Variants in MAST2 observed in about 807,000 individuals in gnomAD.
MAST2 encodes the protein microtubule-associated serine/threonine-protein kinase 2.
Under a neutral mutation model 147.4 loss-of-function variants are expected in MAST2, and 70 were observed. The ratio of observed to expected loss-of-function variants is 0.47; its 90% CI spans 0.39 to 0.58. The LOEUF is 0.58. Among genes scored for constraint, MAST2 ranks in the 20% least tolerant of loss-of-function variants. The probability of loss-of-function intolerance (pLI) is 0.00; values close to 1 mark genes in which losing one functional copy is unlikely to be tolerated. For missense variants in MAST2, 2,080 were observed against 2,302.3 expected (o/e 0.90, Z 1.98); for synonymous variants, 869 against 896.8 (o/e 0.97, Z 0.55).
At chr1:45,884,862 T>G (rs1647014101) in intron 4 of MAST2, among the ~76,000 whole-genome samples, 1 of 152,152 alleles carries the variant, frequency 6.6e-6, no homozygotes, top group Admixed American at 6.6e-5. Context: ...GCCATACTTG[T>G]AAAATGAAGG....
chr1:45,873,141 G>C (rs1646465190), intron 3 of MAST2, among the ~76,000 whole-genome samples: 1 of 151,860 alleles, frequency 6.6e-6, no homozygotes, highest in Admixed American at 6.6e-5. Context: ...TAGCTTTAGA[G>C]CTTCGCTACT....
Position 45,811,338 on chromosome 1 carries a change from A to ATTTTTTTTTT in MAST2, c.177+7275_177+7284dup, listed in dbSNP as rs57495413. 4.1e-4 allele frequency among the ~76,000 whole-genome samples: 46 copies of ATTTTTTTTTT among 112,922 alleles called. 1 individual carries two copies. Among genetic ancestry groups the ATTTTTTTTTT allele is most frequent in the Admixed American group, 6.0e-4 (6 of 9,966 alleles). 74.1% of individuals were successfully genotyped at this position (112,922 alleles called of 152,430 possible). ...GCCCAGCTAATTTTTGTATTTTTGT[A>ATTTTTTTTTT]TTTTTTTTTTTTTTTTTTGAGACGG... On this transcript the variant is annotated intron_variant, in intron 1 of 28. Transcript: ENST00000361297.
intron 4 of MAST2, among the ~76,000 whole-genome samples, chr1:45,888,032 T>C (rs1439498653): frequency 6.6e-6 from 1 of 152,200 alleles, no homozygotes; most frequent in Non-Finnish European, 1.5e-5. Context: ...GTAGGTGGGA[T>C]CTGAAAATCC....
intron 4 of MAST2, among the ~76,000 whole-genome samples, chr1:45,949,663 T>G (rs1005068852): frequency 2.0e-5 from 3 of 152,202 alleles, no homozygotes; most frequent in Non-Finnish European, 4.4e-5. Context: ...AGTATGGTGA[T>G]TCCTCAAAGA....
At chr1:46,027,626 C>T in intron 16 of MAST2, 105 bp from the exon 17 acceptor site, 1 of 1,252,754 alleles carries the variant, frequency 8.0e-7, no homozygotes, top group Admixed American at 2.1e-5. Flanking sequence ...TTGTGTCTCA[C>T]AGTACCCCCA....
chr1:45,842,677 A>G (rs1044518107), intron 3 of MAST2, among the ~76,000 whole-genome samples: 3 of 152,172 alleles, frequency 2.0e-5, no homozygotes, highest in South Asian at 4.1e-4. Flanking sequence ...TATGTGTCCA[A>G]CACAACTTTT....
intron 4 of MAST2, among the ~76,000 whole-genome samples, chr1:45,905,061 T>C (rs1393953944): frequency 6.6e-6 from 1 of 152,204 alleles, no homozygotes; most frequent in Non-Finnish European, 1.5e-5. Context: ...TCCTCCTGCC[T>C]TGGCCTCCCA....
At chr1:45,828,205 C>T (rs565354449) in intron 2 of MAST2, among the ~76,000 whole-genome samples, 1 of 152,238 alleles carries the variant, frequency 6.6e-6, no homozygotes, top group Admixed American at 6.5e-5. Context: ...AATTGTTCTC[C>T]AAATGAATTG....
intron 4 of MAST2, among the ~76,000 whole-genome samples, chr1:45,937,754 A>C (rs1171000235): frequency 4.0e-5 from 1 of 24,888 alleles, no homozygotes; most frequent in East Asian, 2.5e-3. Context: ...TCCATCTCAA[A>C]AAAAAAAAAA....
Position 46,035,335 on chromosome 1 carries a change from G to T in MAST2, c.4666G>T (p.Gly1556Cys). The change falls in exon 29 of 29, where the codon GGC becomes TGC. Residue 1556 changes from glycine to cysteine, a missense_variant. Transcript: ENST00000361297. The surrounding 1 kb of genome is among the most constrained non-coding windows in gnomAD (Gnocchi z 5.5). ...CCCGTCCAGAGACCCTAGGAGCCTG[G>T]GCCCAATGGTCCCAAGCCTATTGAC... ...PFPSRDPRSL[G>C]PMVPSLLTGI... The T allele has an allele frequency of 6.2e-7, 1 of 1,613,876 alleles. No individual in the cohort carries two copies. The highest frequency in any genetic ancestry group is 1.1e-5 in the South Asian group (1 of 91,072).
intron 1 of MAST2, among the ~76,000 whole-genome samples, chr1:45,810,764 T>C (rs1381425316): frequency 2.5e-5 from 3 of 119,178 alleles, no homozygotes; most frequent in South Asian, 2.8e-4. Flanking sequence ...TGAGCCAAGA[T>C]CGCGCCACGG....
At chr1:46,018,253 C>T (rs965229173) in intron 10 of MAST2, among the ~76,000 whole-genome samples, 2 of 152,254 alleles carry the variant, frequency 1.3e-5, no homozygotes, top group South Asian at 2.1e-4. Flanking sequence ...TGATGTCTTG[C>T]CACCTGCTCC....
chr1:45,897,372 A>T (rs902087719), intron 4 of MAST2, among the ~76,000 whole-genome samples: 2 of 152,232 alleles, frequency 1.3e-5, no homozygotes, highest in Admixed American at 1.3e-4. Context: ...GAATTTTGCC[A>T]TTAGGTTTAA....
chr1:45,847,201 G>A (rs1040808093), intron 3 of MAST2: 3 of 526,560 alleles, frequency 5.7e-6, no homozygotes, highest in Non-Finnish European at 1.2e-5. Flanking sequence ...CTTGCATTTA[G>A]AATGTCTGGA....
intron 27 of MAST2, 52 bp downstream of exon 27, chr1:46,033,990 A>G: frequency 1.2e-6 from 2 of 1,609,376 alleles, no homozygotes; most frequent in Non-Finnish European, 1.7e-6. Flanking sequence ...GAGTGCTGGT[A>G]CGTGGTGGGT....
At chr1:45,940,341 A>G (rs182612962) in intron 4 of MAST2, among the ~76,000 whole-genome samples, 2 of 152,028 alleles carry the variant, frequency 1.3e-5, no homozygotes, top group African/African-American at 4.8e-5. Context: ...TTTTCAGCAT[A>G]CAAGTCTCAT....
intron 4 of MAST2, among the ~76,000 whole-genome samples, chr1:45,947,831 C>G (rs1435076483): frequency 6.6e-6 from 1 of 152,228 alleles, no homozygotes; most frequent in Non-Finnish European, 1.5e-5. Flanking sequence ...ATTCTTCTGC[C>G]TCAGCCTCCC....
chr1:45,946,920 A>T (rs142913549), intron 4 of MAST2, among the ~76,000 whole-genome samples: 108 of 152,278 alleles, frequency 7.1e-4, no homozygotes, highest in African/African-American at 2.6e-3. Flanking sequence ...TCCCTAGGGT[A>T]CTTATTGCTG....
chr1:45,867,692 C>T (rs544070067), intron 3 of MAST2, among the ~76,000 whole-genome samples: 39 of 152,250 alleles, frequency 2.6e-4, no homozygotes, highest in African/African-American at 8.9e-4. Flanking sequence ...GGAGGACTTT[C>T]TTATTGGCCA....
Sources: gnomAD v4.1 joint callset for allele counts (sites outside exome capture counted in the v4.1 genomes callset) on GRCh38, gnomAD v4.1.1 for gene constraint, Gnocchi (gnomAD v3.1) non-coding constraint, MANE v1.5 for transcripts, NCBI Gene and HGNC (gene_info 2026-07-23, HGNC 2026-07-21) for gene names.